The following CALN1 variants were observed in gnomAD, a reference collection of about 807,000 sequenced individuals.
CALN1 encodes the protein calcium-binding protein 8.
In CALN1, 17 loss-of-function variants were observed where a neutral mutation model predicts 30.6. The ratio of observed to expected loss-of-function variants is 0.56; its 90% confidence interval spans 0.38 to 0.83. The LOEUF (loss-of-function observed/expected upper bound fraction) is 0.83. Ranked by LOEUF, CALN1 falls within the 40% of genes least tolerant of loss-of-function variation. The probability of loss-of-function intolerance (pLI) is 0.00; values close to 1 mark genes in which losing one functional copy is unlikely to be tolerated. For missense variants in CALN1, 291 were observed against 354.9 expected (o/e 0.82, Z 1.45); for synonymous variants, 156 against 131.4 (o/e 1.19, Z -1.28).
intron 2 of CALN1, among the ~76,000 whole-genome samples, chr7:72,370,065 T>C (rs536548600): frequency 6.6e-6 from 1 of 152,234 alleles, no homozygotes; most frequent in Non-Finnish European, 1.5e-5. Flanking sequence ...AAAATAGTTG[T>C]ACCATTTTAC....
chr7:72,368,754 A>G (rs1317025722), intron 2 of CALN1, among the ~76,000 whole-genome samples: 1 of 151,918 alleles, frequency 6.6e-6, no homozygotes, highest in Non-Finnish European at 1.5e-5. Context: ...AGCCAAAGCC[A>G]AAGTCCTAGT....
At chr7:71,834,719 G>T (rs1484021297) in intron 5 of CALN1, among the ~76,000 whole-genome samples, 1 of 152,160 alleles carries the variant, frequency 6.6e-6, no homozygotes, top group Non-Finnish European at 1.5e-5. Flanking sequence ...GGATTCCAAG[G>T]TTAGGCCCGG....
intron 2 of CALN1, among the ~76,000 whole-genome samples, chr7:72,370,008 A>T (rs571243915): frequency 6.6e-6 from 1 of 152,112 alleles, no homozygotes; most frequent in East Asian, 1.9e-4. Flanking sequence ...ACATCATACA[A>T]AAAATGTATG....
At chr7:72,205,551 A>AAAAAAATAT in intron 3 of CALN1, among the ~76,000 whole-genome samples, 1 of 83,052 alleles carries the variant, frequency 1.2e-5, no homozygotes, top group Admixed American at 1.4e-4. Context: ...GCAAAAAAAA[A>AAAAAAATAT]ATATATATAT....
chr7:72,289,933 C>T (rs1304989387), intron 2 of CALN1, among the ~76,000 whole-genome samples: 1 of 151,494 alleles, frequency 6.6e-6, no homozygotes, highest in Non-Finnish European at 1.5e-5. Context: ...AAACAATTAG[C>T]CGGGCATAGT....
Position 72,298,803 on chromosome 7 carries a change from T to A in CALN1, c.120-19993A>T, listed in dbSNP as rs569521597. On this transcript the variant is annotated intron_variant, in intron 2 of 6. Transcript: ENST00000395275. ...TGAGTCTCAAGAGATCTGATGGTTT[T>A]AAAAAAAAAAAAAAAGAGGGGAGGG... Among the ~76,000 whole-genome samples the A allele has an allele frequency of 4.8e-4, 67 of 140,494 alleles. No homozygotes were observed. The South Asian group carries it at 0.011, about 23-fold the overall frequency. The allele number at this position is 140,494 out of a possible 152,430, so 92.2% of individuals were successfully genotyped here. A position where few individuals can be genotyped will look rare whatever the true frequency, so the allele number is the denominator to read the frequency against.
intron 5 of CALN1, among the ~76,000 whole-genome samples, chr7:71,855,059 G>C (rs540396084): frequency 6.6e-6 from 1 of 152,316 alleles, no homozygotes; most frequent in East Asian, 1.9e-4. Flanking sequence ...TTTAGAACAT[G>C]CTTCATACTA....
intron 5 of CALN1, among the ~76,000 whole-genome samples, chr7:71,882,239 A>T (rs760014614): frequency 6.6e-6 from 1 of 152,092 alleles, no homozygotes; most frequent in Non-Finnish European, 1.5e-5. Flanking sequence ...GCAGTGTTGC[A>T]TCTCCTGTTC....
At chr7:72,334,397 G>C (rs1003762159) in intron 2 of CALN1, among the ~76,000 whole-genome samples, 2 of 152,132 alleles carry the variant, frequency 1.3e-5, no homozygotes, top group African/African-American at 4.8e-5. Flanking sequence ...CAGTTTCTAT[G>C]AAAAAGAAAT....
chr7:71,835,892 T>C (rs1416048578), intron 5 of CALN1, among the ~76,000 whole-genome samples: 3 of 152,210 alleles, frequency 2.0e-5, no homozygotes, highest in Non-Finnish European at 4.4e-5. Flanking sequence ...CTGGGAGTTA[T>C]AATTTGGAAT....
rs1050092419 is a variant in CALN1 at position 72,271,402 on chromosome 7, C to T, written c.244+7284G>A. Among the ~76,000 whole-genome samples the T allele has an allele frequency of 9.3e-5, 14 of 151,044 alleles. 1 individual carries two copies. The highest frequency in any genetic ancestry group is 4.2e-4 in the South Asian group (2 of 4,730). ...GAATGCATGGTGAATATCTATCTTC[C>T]ATTCTTTCTTATAATATTTCTTTTT... On this transcript the variant is annotated intron_variant, in intron 3 of 6. Coordinates refer to ENST00000395275, the MANE Select transcript of CALN1 (RefSeq NM_031468.4).
the CALN1 span, among the ~76,000 whole-genome samples, chr7:72,468,979 TG>T: frequency 6.6e-6 from 1 of 152,240 alleles, no homozygotes; most frequent in African/African-American, 2.4e-5. Context: ...ATATATGATT[TG>T]CAATTCTTTT....
At chr7:71,817,076 A>T (rs184730186) in intron 5 of CALN1, among the ~76,000 whole-genome samples, 1 of 152,198 alleles carries the variant, frequency 6.6e-6, no homozygotes, top group Non-Finnish European at 1.5e-5. Context: ...CATTCCATAT[A>T]TCACCTATAT....
chr7:72,324,516 A>G (rs1585489913), intron 2 of CALN1, among the ~76,000 whole-genome samples: 1 of 151,596 alleles, frequency 6.6e-6, no homozygotes, highest in South Asian at 2.1e-4. Flanking sequence ...GCTCATTTTC[A>G]GCTCTGGCTC....
chr7:72,487,734 A>AAAAAGAAAGGAAGGAAGG, the CALN1 span, among the ~76,000 whole-genome samples: 3 of 56,618 alleles, frequency 5.3e-5, no homozygotes, highest in African/African-American at 3.3e-4. Flanking sequence ...AGAAAGAAAG[A>AAAAAGAAAGGAAGGAAGG]AAGGAAGGAA....
At chr7:71,835,391 G>C (rs921591700) in intron 5 of CALN1, among the ~76,000 whole-genome samples, 12 of 152,198 alleles carry the variant, frequency 7.9e-5, no homozygotes, top group African/African-American at 2.9e-4. Flanking sequence ...CGGGGTAAGT[G>C]GTAGAAATAT....
chr7:72,501,108 G>A, the CALN1 span, among the ~76,000 whole-genome samples: 3 of 152,136 alleles, frequency 2.0e-5, no homozygotes, highest in East Asian at 5.8e-4. Context: ...AAGAGCTTTA[G>A]TGATACAAAA....
intron 5 of CALN1, among the ~76,000 whole-genome samples, chr7:71,870,981 G>A (rs1791890351): frequency 6.6e-6 from 1 of 151,990 alleles, no homozygotes; most frequent in Non-Finnish European, 1.5e-5. Flanking sequence ...TTCTCCTTCT[G>A]TTTTGGGGAT....
intron 5 of CALN1, among the ~76,000 whole-genome samples, chr7:71,923,283 G>C (rs1345900171): frequency 1.3e-5 from 2 of 152,144 alleles, no homozygotes; most frequent in East Asian, 3.9e-4. Context: ...TCTGTGCTCT[G>C]TTGATGCTTG....
Sources: gnomAD v4.1 joint callset for allele counts (sites outside exome capture counted in the v4.1 genomes callset) on GRCh38, gnomAD v4.1.1 for gene constraint, MANE v1.5 for transcripts, NCBI Gene and HGNC (gene_info 2026-07-23, HGNC 2026-07-21) for gene names.